TRAPPC8: variants seen among roughly 807,000 people sequenced by gnomAD.
TRAPPC8 encodes general sporulation gene 1 homolog.
TRAPPC8 carries 54 observed loss-of-function variants against 174.3 expected under a neutral mutation model. That is an observed-to-expected ratio of 0.31 (90% confidence interval 0.25 to 0.39). TRAPPC8 has a LOEUF of 0.39. Ranked by LOEUF, TRAPPC8 falls within the 10% of genes least tolerant of loss-of-function variation. The probability of loss-of-function intolerance (pLI) is 1.00; values close to 1 mark genes in which losing one functional copy is unlikely to be tolerated. For synonymous variants in TRAPPC8, 630 were observed against 579.9 expected, an observed-to-expected ratio of 1.09 and a Z score of -1.24; for missense variants, 1,531 against 1,699.1, an observed-to-expected ratio of 0.90 and a Z score of 1.74.
rs143741679 is a variant in TRAPPC8, at chr18:31,881,257, T to G, written c.1729-6553A>C. Among the ~76,000 whole-genome samples, 1,115 of 152,208 alleles carry G rather than the reference T, an allele frequency of 7.3e-3. 16 individuals are homozygous for G. Among genetic ancestry groups the G allele is most frequent in the African/African-American group, 0.025 (1,044 of 41,526 alleles). ...TTCAAACTACACTACAAGGCTATAG[T>G]AACCAAAACAGCATGGTACTGGTAC... On this transcript the variant is annotated intron_variant, in intron 12 of 28. Transcript: ENST00000283351.
rs781621295 is a variant in TRAPPC8 at position 31,870,386 on chromosome 18, CTTCA to C, written c.2370_2373del (p.Asn790LysfsTer6). The C allele has an allele frequency of 6.2e-7, 1 of 1,607,738 alleles. No homozygotes were observed. On this transcript the variant is annotated frameshift_variant, in exon 16 of 29. Coordinates refer to ENST00000283351, the MANE Select transcript of TRAPPC8 (RefSeq NM_014939.5). LOFTEE classifies it high-confidence loss of function. ...TAATAACTTACTAGTTGTTTAACTT[CTTCA>C]TTATCCTTTCCACTGAAATCTTTAG...
intron 19 of TRAPPC8, among the ~76,000 whole-genome samples, chr18:31,863,668 T>C (rs1178077639): frequency 6.6e-6 from 1 of 152,138 alleles, no homozygotes; most frequent in African/African-American, 2.4e-5. Flanking sequence ...ACTGGCACTT[T>C]TGGAGGTAGG....
chr18:31,930,225 T>G (rs1162091996), intron 2 of TRAPPC8, among the ~76,000 whole-genome samples: 2 of 152,056 alleles, frequency 1.3e-5, no homozygotes, highest in Non-Finnish European at 2.9e-5. Context: ...GTTCAAGCGA[T>G]TCTTCTGCCT....
chr18:31,862,284 A>G (rs912868109), intron 19 of TRAPPC8, among the ~76,000 whole-genome samples: 2 of 152,100 alleles, frequency 1.3e-5, no homozygotes, highest in African/African-American at 2.4e-5. Context: ...AAATGGCACA[A>G]GTATTAAGAA....
Position 31,942,765 on chromosome 18 carries a change from C to A in TRAPPC8, c.-1G>T. 1 of 1,465,776 alleles carries A rather than the reference C, an allele frequency of 6.8e-7. No individual in the cohort carries two copies. Among genetic ancestry groups the A allele is most frequent in the Non-Finnish European group, 9.1e-7 (1 of 1,100,672 alleles). The allele number at this position is 1,465,776 out of a possible 1,614,324, so 90.8% of individuals were successfully genotyped here. ...GCACTGATTGTACACACTGGGCCATCGCCGCAGCACAGGCAGCGGCGGCGC... is the reference window on the plus strand; with the variant it reads ...GCACTGATTGTACACACTGGGCCATAGCCGCAGCACAGGCAGCGGCGGCGC... On this transcript the variant is annotated 5_prime_UTR_variant, in exon 1 of 29. Transcript: ENST00000283351.
At chr18:31,881,019 C>T (rs985780979) in intron 12 of TRAPPC8, among the ~76,000 whole-genome samples, 1 of 151,928 alleles carries the variant, frequency 6.6e-6, no homozygotes, top group Admixed American at 6.6e-5. Context: ...AAAAAAAACC[C>T]ACGCTCACAG....
At chr18:31,880,190 G>A (rs1346829625) in intron 12 of TRAPPC8, among the ~76,000 whole-genome samples, 1 of 141,954 alleles carries the variant, frequency 7.0e-6, no homozygotes, top group East Asian at 2.1e-4. Flanking sequence ...ATCTGGCAAG[G>A]ACATACACAC....
At chr18:31,889,723 T>C (rs960005617) in intron 12 of TRAPPC8, among the ~76,000 whole-genome samples, 1 of 152,194 alleles carries the variant, frequency 6.6e-6, no homozygotes, top group African/African-American at 2.4e-5. Context: ...TGAAAGGTTT[T>C]TTAATGAACA....
Position 31,874,521 on chromosome 18 carries a change from GAGC to G in TRAPPC8, c.1909_1911del (p.Ala637del), listed in dbSNP as rs925944818. 6.2e-7 allele frequency: 1 copy of G among 1,614,008 alleles called. No homozygotes were observed. The highest frequency in any genetic ancestry group is 8.5e-7 in the Non-Finnish European group (1 of 1,180,028). ...TATTCTCTGAGGAAAGCCCCCTGTT[GAGC>G]AGCAGATTGTTTACTTTCATTAATT... On this transcript the variant is annotated inframe_deletion, in exon 13 of 29. Transcript: ENST00000283351.
intron 20 of TRAPPC8, among the ~76,000 whole-genome samples, chr18:31,856,037 C>T (rs1370600791): frequency 6.6e-6 from 1 of 152,106 alleles, no homozygotes; most frequent in African/African-American, 2.4e-5. Context: ...TTTTGCCCTG[C>T]TTATCAAATT....
chr18:31,932,340 T>C (rs1056377166), intron 1 of TRAPPC8, among the ~76,000 whole-genome samples: 1 of 151,640 alleles, frequency 6.6e-6, no homozygotes, highest in Non-Finnish European at 1.5e-5. Flanking sequence ...GGCAGGAGAA[T>C]TGCTTGAATC....
chr18:31,873,007 CTTTTTTTTTTTT>C (rs59209328), intron 14 of TRAPPC8, among the ~76,000 whole-genome samples: 26 of 74,632 alleles, frequency 3.5e-4, no homozygotes, highest in East Asian at 2.2e-3. Flanking sequence ...ATTCATTTTC[CTTTTTTTTTTTT>C]TTTTTTTTTT....
At chr18:31,883,126 G>A (rs1208706848) in intron 12 of TRAPPC8, among the ~76,000 whole-genome samples, 5 of 150,984 alleles carry the variant, frequency 3.3e-5, no homozygotes, top group Non-Finnish European at 5.9e-5. Flanking sequence ...GGGAGGCTGA[G>A]GCAGGAGAAT....
chr18:31,925,421 T>C (rs556890582), intron 2 of TRAPPC8, among the ~76,000 whole-genome samples: 34 of 151,758 alleles, frequency 2.2e-4, no homozygotes, highest in African/African-American at 8.2e-4. Context: ...AAAACTTCAA[T>C]AGAAGGATCA....
At chr18:31,865,723 G>C (rs9954954) in intron 18 of TRAPPC8, among the ~76,000 whole-genome samples, 6,086 of 151,498 alleles carry the variant, frequency 0.04, 344 homozygotes, top group African/African-American at 0.12. Context: ...ATACAAGTGG[G>C]AAAAGAAAGG....
At chr18:31,871,466 CA>C (rs1344837060) in intron 14 of TRAPPC8, among the ~76,000 whole-genome samples, 1 of 151,640 alleles carries the variant, frequency 6.6e-6, no homozygotes, top group African/African-American at 2.4e-5. Flanking sequence ...CCTATGATCC[CA>C]AATATTTTTA....
chr18:31,844,283 A>G (rs547643592), intron 26 of TRAPPC8: 1 of 152,350 alleles, frequency 6.6e-6, no homozygotes, highest in South Asian at 2.1e-4. Flanking sequence ...ACATAAATTC[A>G]AAAGCAGTAG....
intron 5 of TRAPPC8, among the ~76,000 whole-genome samples, chr18:31,911,736 G>A (rs186445468): frequency 2.1e-3 from 245 of 114,668 alleles, no homozygotes; most frequent in African/African-American, 7.5e-3. Flanking sequence ...CGGCCTGGGC[G>A]ATAGAGTAAG....
rs190566014 is a variant in TRAPPC8 at position 31,899,326 on chromosome 18, T to C, written c.1491-1435A>G. On this transcript the variant is annotated intron_variant, in intron 10 of 28. Transcript: ENST00000283351. ...CAATAGCATTCACGATTTCAGAGGT[T>C]TGTTATTAAGACTAAATGAGCATAT... Among the ~76,000 whole-genome samples the C allele has an allele frequency of 5.9e-5, 9 of 152,354 alleles. No homozygotes were observed. The East Asian group carries it at 1.2e-3, about 20-fold the overall frequency.
Sources: allele counts gnomAD v4.1 joint callset (sites outside exome capture counted in the v4.1 genomes callset), GRCh38; gene constraint gnomAD v4.1.1; transcripts MANE v1.5; gene names NCBI Gene and HGNC (gene_info 2026-07-23, HGNC 2026-07-21).